The following RBFOX3 variants were observed in gnomAD, a reference collection of about 807,000 sequenced individuals.
RBFOX3 encodes the protein RNA binding fox-1 homolog 3.
A neutral mutation model predicts 48.7 loss-of-function variants in RBFOX3; 17 were observed. The observed-to-expected ratio is 0.35, with a 90% CI of 0.24 to 0.52. The LOEUF (loss-of-function observed/expected upper bound fraction) is 0.52. RBFOX3 is among the 20% of genes least tolerant of loss of function. RBFOX3 has a pLI of 0.94. For synonymous variants in RBFOX3, 212 were observed against 209.5 expected (o/e 1.01, Z -0.10); for missense variants, 382 against 497.5 (o/e 0.77, Z 2.21).
intron 1 of RBFOX3, among the ~76,000 whole-genome samples, chr17:79,513,402 G>T (rs887075558): frequency 2.0e-5 from 3 of 152,222 alleles, no homozygotes; most frequent in Admixed American, 6.5e-5. Flanking sequence ...ACATGGCCCC[G>T]TGGCCAAGTG....
chr17:79,444,278 T>A (rs1027515873), intron 2 of RBFOX3, among the ~76,000 whole-genome samples: 6 of 152,098 alleles, frequency 3.9e-5, no homozygotes, highest in African/African-American at 1.4e-4. Context: ...GGGAGCCCCT[T>A]GTGGGTTGGG....
intron 2 of RBFOX3, among the ~76,000 whole-genome samples, chr17:79,447,145 G>A (rs568832380): frequency 4.6e-5 from 7 of 152,350 alleles, no homozygotes; most frequent in African/African-American, 1.7e-4. Flanking sequence ...ATGTGAATTT[G>A]TCGGCAGTAA....
At chr17:79,104,008 TCA>T in intron 7 of RBFOX3, 63 bp downstream of exon 7, 1 of 1,402,766 alleles carries the variant, frequency 7.1e-7, no homozygotes, top group South Asian at 1.2e-5. Flanking sequence ...AACGCACATT[TCA>T]CACGTTAGCC....
chr17:79,574,104 A>G (rs1006443102), intron 1 of RBFOX3, among the ~76,000 whole-genome samples: 2 of 152,194 alleles, frequency 1.3e-5, no homozygotes, highest in South Asian at 4.1e-4. Flanking sequence ...GTTGTTTAAA[A>G]AGTCCTCACG....
At chr17:79,647,456 T>C in the RBFOX3 span, among the ~76,000 whole-genome samples, 38 of 152,154 alleles carry the variant, frequency 2.5e-4, no homozygotes, top group African/African-American at 8.9e-4. Context: ...AGCTAATTCA[T>C]GCAACTGCCG....
intron 1 of RBFOX3, among the ~76,000 whole-genome samples, chr17:79,516,796 C>T (rs2149936109): frequency 6.6e-6 from 1 of 152,322 alleles, no homozygotes; most frequent in Admixed American, 6.5e-5. Flanking sequence ...CTGGAACGAT[C>T]CCTGCCCCAG....
At chr17:79,235,012 A>T in intron 4 of RBFOX3, 1 of 152,146 alleles carries the variant, frequency 6.6e-6, no homozygotes, top group Non-Finnish European at 1.5e-5. Flanking sequence ...GATTACAAGC[A>T]TGAGCCACCA....
intron 3 of RBFOX3, among the ~76,000 whole-genome samples, chr17:79,240,539 G>C (rs573683607): frequency 6.6e-6 from 1 of 152,336 alleles, no homozygotes; most frequent in Non-Finnish European, 1.5e-5. Context: ...ACTGTGTCAG[G>C]CACTGAATAT....
At chr17:79,323,937 A>C (rs1377288750) in intron 2 of RBFOX3, among the ~76,000 whole-genome samples, 1 of 152,228 alleles carries the variant, frequency 6.6e-6, no homozygotes, top group Non-Finnish European at 1.5e-5. Context: ...GCTATTTTGC[A>C]AATCTTCAGG....
intron 4 of RBFOX3, among the ~76,000 whole-genome samples, chr17:79,232,077 G>A (rs2061103121): frequency 6.6e-6 from 1 of 152,142 alleles, no homozygotes; most frequent in South Asian, 2.1e-4. Flanking sequence ...GATCTCGTGA[G>A]ACTCACCCAT....
At chr17:79,267,901 G>A (rs1038770691) in intron 3 of RBFOX3, among the ~76,000 whole-genome samples, 4 of 152,274 alleles carry the variant, frequency 2.6e-5, no homozygotes, top group African/African-American at 9.6e-5. Flanking sequence ...ACGGGAAGGA[G>A]GTGTCTCTCC....
chr17:79,106,831 G>C (rs770197699), intron 5 of RBFOX3, 43 bp from the exon 6 acceptor site: 1 of 1,478,604 alleles, frequency 6.8e-7, no homozygotes, highest in African/African-American at 1.5e-5. Context: ...CTCTGTGTGC[G>C]GGGTTGCCCA....
chr17:79,436,285 A>G (rs1555731100), intron 2 of RBFOX3, among the ~76,000 whole-genome samples: 1 of 152,252 alleles, frequency 6.6e-6, no homozygotes, highest in African/African-American at 2.4e-5. Context: ...AGTGCTGGGT[A>G]ACAGACCAGG....
intron 2 of RBFOX3, among the ~76,000 whole-genome samples, chr17:79,458,285 G>T (rs922389181): frequency 1.3e-5 from 2 of 152,164 alleles, no homozygotes; most frequent in Non-Finnish European, 2.9e-5. Flanking sequence ...AAATAATTAC[G>T]GATTCACTAG....
rs1400425270 is a variant in RBFOX3, at chr17:79,103,209, C to T, written c.460G>A (p.Ala154Thr). ...TFETSSDADRAREKLNGTIVE... is the reference protein window; with the variant it reads ...TFETSSDADRTREKLNGTIVE... ...ATCGTCCCATTCAGCTTCTCCCGGG[C>T]TCGGTCAGCATCTGAGCTAGTTTCA... Residue 154 changes from alanine (A) to threonine (T), a missense_variant, in exon 8 of 15, where the codon GCC becomes ACC. Coordinates refer to ENST00000693108, the MANE Select transcript of RBFOX3 (RefSeq NM_001350451.2). This position sits in a 1 kb window ranked among gnomAD's most constrained non-coding sequence, Gnocchi z 6.1. 1 of 1,551,454 alleles carries T rather than the reference C, an allele frequency of 6.4e-7. No homozygotes were observed. Among genetic ancestry groups the T allele is most frequent in the Non-Finnish European group, 8.7e-7 (1 of 1,146,944 alleles).
chr17:79,135,698 G>A (rs2143695579), intron 4 of RBFOX3, among the ~76,000 whole-genome samples: 1 of 152,162 alleles, frequency 6.6e-6, no homozygotes, highest in East Asian at 1.9e-4. Flanking sequence ...TTCCCCAAAG[G>A]ACCAGAAACT....
chr17:79,424,831 C>G (rs574938187), intron 2 of RBFOX3, among the ~76,000 whole-genome samples: 116 of 152,252 alleles, frequency 7.6e-4, no homozygotes, highest in Non-Finnish European at 1.3e-3. Context: ...TGACTCGCCC[C>G]ATCTCTGCTC....
intron 2 of RBFOX3, among the ~76,000 whole-genome samples, chr17:79,338,856 T>C (rs926286856): frequency 6.6e-6 from 1 of 152,216 alleles, no homozygotes; most frequent in Non-Finnish European, 1.5e-5. Flanking sequence ...TGCTTGGCCC[T>C]GTTTCTACTC....
chr17:79,260,838 C>T (rs935308056), intron 3 of RBFOX3, among the ~76,000 whole-genome samples: 1 of 152,184 alleles, frequency 6.6e-6, no homozygotes, highest in African/African-American at 2.4e-5. Context: ...TTTCCCAGCT[C>T]TGAGGCCCAC....
Sources: allele counts gnomAD v4.1 joint callset (sites outside exome capture counted in the v4.1 genomes callset), GRCh38; gene constraint gnomAD v4.1.1; non-coding constraint Gnocchi (gnomAD v3.1); transcripts MANE v1.5; gene names NCBI Gene and HGNC (gene_info 2026-07-23, HGNC 2026-07-21).